Variants in EBF4 observed in about 807,000 individuals in gnomAD.
EBF4 encodes the protein EBF transcription factor 4, also known as transcription factor COE4.
A neutral mutation model predicts 67.1 loss-of-function variants in EBF4; 34 were observed. The observed-to-expected ratio is 0.51, with a 90% CI of 0.39 to 0.67. The LOEUF is 0.67. Ranked by LOEUF, EBF4 falls within the 30% of genes least tolerant of loss-of-function variation. The probability of loss-of-function intolerance (pLI) is 0.00; values close to 1 mark genes in which losing one functional copy is unlikely to be tolerated. For synonymous variants in EBF4, 387 were observed against 377.7 expected (o/e 1.02, Z -0.29); for missense variants, 837 against 873.3 (o/e 0.96, Z 0.52).
intron 14 of EBF4, among the ~76,000 whole-genome samples, chr20:2,754,721 G>C (rs2088209479): frequency 6.6e-6 from 1 of 152,120 alleles, no homozygotes; most frequent in African/African-American, 2.4e-5. Flanking sequence ...AGAGAGGCAG[G>C]GAATTGGGTT....
intron 6 of EBF4, among the ~76,000 whole-genome samples, chr20:2,724,671 G>A (rs1428262421): frequency 6.6e-6 from 1 of 152,162 alleles, no homozygotes; most frequent in Non-Finnish European, 1.5e-5. Flanking sequence ...TTGGGATGAC[G>A]AGGTACAAGA....
rs563212406 is a variant in EBF4 at position 2,727,102 on chromosome 20, G to A, written c.557+17460G>A. Among the ~76,000 whole-genome samples the A allele has an allele frequency of 9.2e-5, 14 of 152,100 alleles. No individual in the cohort carries two copies. The South Asian group carries it at 2.5e-3, about 27-fold the overall frequency. The stretch of plus-strand genomic sequence containing the variant: ...GGTTCATTCATGTAACATGTGACAG[G>A]ATTGCCTTCCTTTTTAAGGCTTAAT... On this transcript the variant is annotated intron_variant, in intron 6 of 16. Coordinates refer to ENST00000609451, the Ensembl canonical transcript of EBF4.
At chr20:2,759,074 T>TC in intron 16 of EBF4, 90 bp downstream of exon 16, 1 of 1,250,616 alleles carries the variant, frequency 8.0e-7, no homozygotes. Context: ...TGCTCAAGCC[T>TC]CCCCGCTAGC....
Position 2,706,836 on chromosome 20 carries a change from A to G in EBF4, c.414+572A>G, listed in dbSNP as rs550499290. Among the ~76,000 whole-genome samples the G allele has an allele frequency of 1.6e-4, 24 of 152,306 alleles. No homozygotes were observed. The South Asian group carries it at 5.0e-3, about 32-fold the overall frequency. ...ACGGGAAGGTGCACATTTCCAGTAA[A>G]GGGGATGTGGGCACAGCCCTGGGAA... On this transcript the variant is annotated intron_variant, in intron 4 of 16. Transcript: ENST00000609451.
chr20:2,702,987 G>A (rs574932951), intron 1 of EBF4, among the ~76,000 whole-genome samples: 1 of 152,268 alleles, frequency 6.6e-6, no homozygotes, highest in East Asian at 1.9e-4. Context: ...AGCAGGGTGT[G>A]TTAGTTGGCC....
exon 14 of EBF4, chr20:2,752,420 A>C: frequency 7.7e-7 from 1 of 1,297,756 alleles, no homozygotes; most frequent in Non-Finnish European, 9.8e-7. Context: ...GGCTCGCAGC[A>C]GAGCGGCTAC....
At chr20:2,754,709 G>T (rs2088209324) in intron 14 of EBF4, among the ~76,000 whole-genome samples, 1 of 152,174 alleles carries the variant, frequency 6.6e-6, no homozygotes, top group African/African-American at 2.4e-5. Context: ...AGTCTTTACA[G>T]GAGAGAGGCA....
At chr20:2,693,261 G>C, upstream of EBF4, 1 of 158,320 alleles carries the variant, frequency 6.3e-6, no homozygotes, top group Non-Finnish European at 1.4e-5. The surrounding 1 kb of genome is among the most constrained non-coding windows in gnomAD (Gnocchi z 4.6). Flanking sequence ...GGCAGCTCCC[G>C]GGGCGCTCGG....
intron 1 of EBF4, among the ~76,000 whole-genome samples, chr20:2,697,842 T>C (rs1281668309): frequency 1.3e-5 from 2 of 152,236 alleles, no homozygotes; most frequent in Non-Finnish European, 2.9e-5. Flanking sequence ...TCTGATGTGC[T>C]TCCCAGTCTG....
At chr20:2,757,806 G>A (rs1336881954) in intron 15 of EBF4, among the ~76,000 whole-genome samples, 1 of 152,166 alleles carries the variant, frequency 6.6e-6, no homozygotes, top group East Asian at 1.9e-4. Flanking sequence ...AATGAGCTGG[G>A]TGTGGTGGCG....
rs188935691 is a variant in EBF4 at position 2,744,416 on chromosome 20, G to A, written c.558-4133G>A. On this transcript the variant is annotated intron_variant, in intron 6 of 16. Transcript: ENST00000609451. ...CATACACTCCAGTGAAGCATTGTCC[G>A]ATATTAATATAATGCAAGCAAGCCA... 2.5e-4 allele frequency among the ~76,000 whole-genome samples: 38 copies of A among 151,074 alleles called. No individual in the cohort carries two copies. The East Asian group carries it at 5.4e-3, about 22-fold the overall frequency.
chr20:2,730,751 C>T (rs1015741382), intron 6 of EBF4, among the ~76,000 whole-genome samples: 5 of 152,206 alleles, frequency 3.3e-5, no homozygotes, highest in Admixed American at 6.5e-5. Context: ...AAAAACAGGA[C>T]GCGCAGGGCC....
exon 13 of EBF4, chr20:2,752,229 C>A: frequency 1.5e-6 from 2 of 1,345,034 alleles, no homozygotes; most frequent in Non-Finnish European, 1.9e-6. Flanking sequence ...CGCTGGCCAT[C>A]GCCGTCGGGG....
chr20:2,701,929 A>G (rs1196418513), intron 1 of EBF4, among the ~76,000 whole-genome samples: 1 of 152,112 alleles, frequency 6.6e-6, no homozygotes. Context: ...TAGCATATTC[A>G]TCAACAGTAA....
chr20:2,716,600 G>T (rs957855798), intron 6 of EBF4, among the ~76,000 whole-genome samples: 2 of 152,052 alleles, frequency 1.3e-5, no homozygotes, highest in Non-Finnish European at 2.9e-5. Context: ...TCTTCCAAAG[G>T]TTTCACAGTT....
At chr20:2,714,815 G>A (rs916770602) in intron 6 of EBF4, among the ~76,000 whole-genome samples, 14 of 151,930 alleles carry the variant, frequency 9.2e-5, no homozygotes, top group Admixed American at 3.9e-4. Context: ...TACATACTCC[G>A]GGTTTTCATT....
rs1348183974 is a variant in EBF4, at chr20:2,709,652, C to T, written c.557+10C>T. 1.3e-6 allele frequency: 2 copies of T among 1,535,686 alleles called. No individual in the cohort carries two copies. Among genetic ancestry groups the T allele is most frequent in the Non-Finnish European group, 1.8e-6 (2 of 1,137,086 alleles). Reference sequence around the variant, plus strand: ...CCGTCATCATTGACAGGTACAGGCTCAGGGAGGGGGCCTGGAAGCTCAGAG... The same window carrying T: ...CCGTCATCATTGACAGGTACAGGCTTAGGGAGGGGGCCTGGAAGCTCAGAG... On this transcript the variant is annotated intron_variant, in intron 6 of 16. Transcript: ENST00000609451.
At chr20:2,699,552 A>G (rs976141728) in intron 1 of EBF4, among the ~76,000 whole-genome samples, 1 of 152,234 alleles carries the variant, frequency 6.6e-6, no homozygotes, top group African/African-American at 2.4e-5. Flanking sequence ...CTGCCTCAGG[A>G]CACTCTGGAG....
At position 2,749,489 on chromosome 20, in the gene EBF4, G is replaced by A. The variant is rs765625561; in HGVS notation, c.728G>A (p.Arg243His). Residue 243 changes from arginine (R) to histidine (H), a missense_variant, in exon 8 of 17, where the codon CGC becomes CAC. This residue lies in a region of EBF4 where 226 missense variants were observed against 306.5 expected (regional missense o/e 0.74). Coordinates refer to ENST00000609451, the Ensembl canonical transcript of EBF4. Reference sequence around the variant, plus strand: ...GTGCACAACAACTCCAAGCATGGCCGCAGGGCGCGCCGCCTGGACCCCTCC... The same window carrying A: ...GTGCACAACAACTCCAAGCATGGCCACAGGGCGCGCCGCCTGGACCCCTCC... 14 of 1,548,054 alleles carry A rather than the reference G, an allele frequency of 9.0e-6. No homozygotes were observed. In the South Asian group the frequency reaches 1.4e-4, roughly 16 times the overall value.
Sources: allele counts gnomAD v4.1 joint callset (sites outside exome capture counted in the v4.1 genomes callset), GRCh38; gene constraint gnomAD v4.1.1; regional missense constraint gnomAD v4.1.1; non-coding constraint Gnocchi (gnomAD v3.1); transcripts MANE v1.5; gene names NCBI Gene and HGNC (gene_info 2026-07-23, HGNC 2026-07-21).